The following ZFPM2 variants were observed in gnomAD, a reference collection of about 807,000 sequenced individuals.
The protein encoded by ZFPM2 is zinc finger protein ZFPM2.
ZFPM2 carries 20 observed loss-of-function variants against 98.6 expected under a neutral mutation model. The ratio of observed to expected loss-of-function variants is 0.20; its 90% confidence interval spans 0.14 to 0.29. The LOEUF (loss-of-function observed/expected upper bound fraction) is 0.29, where lower values mean the gene tolerates loss of function less well. Among genes scored for constraint, ZFPM2 ranks in the 10% least tolerant of loss-of-function variants. The probability of loss-of-function intolerance (pLI) is 1.00; values close to 1 mark genes in which losing one functional copy is unlikely to be tolerated. For synonymous variants in ZFPM2, 518 were observed against 502.7 expected (o/e 1.03, Z -0.41); for missense variants, 1,310 against 1,388.6 (o/e 0.94, Z 0.90).
chr8:105,497,528 G>A (rs191032008), intron 3 of ZFPM2, among the ~76,000 whole-genome samples: 2 of 152,148 alleles, frequency 1.3e-5, no homozygotes, highest in East Asian at 3.9e-4. Context: ...TTAGACATAT[G>A]GTGCTGAGAA....
intron 3 of ZFPM2, among the ~76,000 whole-genome samples, chr8:105,449,727 A>G (rs1400379708): frequency 6.6e-6 from 1 of 152,036 alleles, no homozygotes; most frequent in African/African-American, 2.4e-5. Flanking sequence ...CCAAGGCCTC[A>G]GTTTCCTTGT....
At chr8:105,353,804 A>C (rs751908293) in intron 1 of ZFPM2, among the ~76,000 whole-genome samples, 1 of 152,200 alleles carries the variant, frequency 6.6e-6, no homozygotes, top group African/African-American at 2.4e-5. Flanking sequence ...GTTTGCTTAA[A>C]ATTTTTTAAA....
chr8:105,403,854 T>C (rs199593491), intron 1 of ZFPM2, among the ~76,000 whole-genome samples: 1 of 152,098 alleles, frequency 6.6e-6, no homozygotes, highest in East Asian at 1.9e-4. Context: ...CACAGATAGA[T>C]ACTCAGTTCA....
intron 1 of ZFPM2, among the ~76,000 whole-genome samples, chr8:105,383,308 C>A (rs1263604624): frequency 6.6e-6 from 1 of 152,082 alleles, no homozygotes; most frequent in Non-Finnish European, 1.5e-5. Context: ...TACAGATTGA[C>A]TGGATGCTTG....
At chr8:105,410,780 G>A (rs1811560732) in intron 1 of ZFPM2, among the ~76,000 whole-genome samples, 3 of 151,774 alleles carry the variant, frequency 2.0e-5, no homozygotes, top group Admixed American at 1.3e-4. Context: ...ATTCATTTAT[G>A]CCACATAATA....
At chr8:105,754,063 A>G (rs1048372749) in intron 5 of ZFPM2, among the ~76,000 whole-genome samples, 3 of 152,158 alleles carry the variant, frequency 2.0e-5, no homozygotes, top group African/African-American at 7.2e-5. Context: ...TGTAGCTATC[A>G]TGGTAAAGTT....
rs374095734 is a variant in ZFPM2, at chr8:105,802,382, A to G, written c.2300A>G (p.Asn767Ser). Residue 767 changes from asparagine to serine, a missense_variant, in exon 8 of 8, where the codon AAT becomes AGT. Physicochemically the swap from Asn to Ser is conservative, Grantham distance 46. Coordinates refer to ENST00000407775, the MANE Select transcript of ZFPM2 (RefSeq NM_012082.4). ...QQRFLDVANLNNPCTSTQEPT... is the reference protein window; with the variant it reads ...QQRFLDVANLSNPCTSTQEPT... Reference sequence around the variant, plus strand: ...AGATTTCTTGACGTAGCCAACCTCAATAATCCTTGTACCTCCACTCAAGAA... The same window carrying G: ...AGATTTCTTGACGTAGCCAACCTCAGTAATCCTTGTACCTCCACTCAAGAA... 45 of 1,613,644 alleles carry G rather than the reference A, an allele frequency of 2.8e-5. No homozygotes were observed. Among genetic ancestry groups the G allele is most frequent in the Non-Finnish European group, 3.4e-5 (40 of 1,179,868 alleles).
At chr8:105,582,845 C>T (rs1162552633) in intron 4 of ZFPM2, among the ~76,000 whole-genome samples, 24 of 152,148 alleles carry the variant, frequency 1.6e-4, no homozygotes, top group African/African-American at 4.3e-4. Flanking sequence ...CCACCTGCCT[C>T]GGCCTCCCAA....
chr8:105,760,588 G>T (rs1057455730), intron 5 of ZFPM2, among the ~76,000 whole-genome samples: 1 of 152,044 alleles, frequency 6.6e-6, no homozygotes, highest in African/African-American at 2.4e-5. Flanking sequence ...ATAGTGTTTA[G>T]ACCAAGGCAA....
At chr8:105,554,873 A>G (rs1469804779) in intron 3 of ZFPM2, among the ~76,000 whole-genome samples, 1 of 152,140 alleles carries the variant, frequency 6.6e-6, no homozygotes, top group East Asian at 1.9e-4. Context: ...TACTATGTTC[A>G]TATCCTTTGC....
intron 3 of ZFPM2, among the ~76,000 whole-genome samples, chr8:105,456,202 C>T (rs1317076702): frequency 7.4e-6 from 1 of 135,338 alleles, no homozygotes; most frequent in Non-Finnish European, 1.5e-5. Flanking sequence ...CTATGCCTGG[C>T]TTAAATGGTG....
rs1812317852 is a variant in ZFPM2 at position 105,444,027 on chromosome 8, G to A, written c.200-253G>A. On this transcript the variant is annotated intron_variant, in intron 2 of 7. Coordinates refer to ENST00000407775, the MANE Select transcript of ZFPM2 (RefSeq NM_012082.4). ...CTTATATATATTAATAACTCCAAAG[G>A]AAAATTTACATGGAAATGTTTTTAT... 2.0e-5 allele frequency among the ~76,000 whole-genome samples: 3 copies of A among 152,140 alleles called. No individual in the cohort carries two copies. The East Asian group carries it at 5.8e-4, about 29-fold the overall frequency.
At chr8:105,614,785 A>T (rs1018257692) in intron 4 of ZFPM2, among the ~76,000 whole-genome samples, 4 of 152,218 alleles carry the variant, frequency 2.6e-5, no homozygotes, top group African/African-American at 9.6e-5. Flanking sequence ...AACCTACAAG[A>T]TAATTTGGTT....
chr8:105,591,124 AATATAG>A (rs530765314), intron 4 of ZFPM2, among the ~76,000 whole-genome samples: 1 of 152,226 alleles, frequency 6.6e-6, no homozygotes, highest in Non-Finnish European at 1.5e-5. Context: ...AAAAAAAGTA[AATATAG>A]ACTATGAATC....
chr8:105,690,528 A>G (rs972420083), intron 5 of ZFPM2, among the ~76,000 whole-genome samples: 7 of 152,130 alleles, frequency 4.6e-5, no homozygotes, highest in African/African-American at 1.7e-4. Context: ...GCAGGAGTCT[A>G]GACACCAGTT....
rs183827889 is a variant in ZFPM2, at chr8:105,716,474, T to C, written c.533-72244T>C. Among the ~76,000 whole-genome samples the C allele has an allele frequency of 2.6e-5, 4 of 152,152 alleles. No individual in the cohort carries two copies. The East Asian group carries it at 5.8e-4, about 22-fold the overall frequency. On this transcript the variant is annotated intron_variant, in intron 5 of 7. Transcript: ENST00000407775. ...TGTTTACATATATGTCTGTGTTATA[T>C]ACGTGTGTGTATATATGATTCACAC...
At chr8:105,411,394 G>A (rs1326466757) in intron 1 of ZFPM2, among the ~76,000 whole-genome samples, 4 of 151,750 alleles carry the variant, frequency 2.6e-5, no homozygotes, top group East Asian at 1.9e-4. Flanking sequence ...CTTTGGGCTG[G>A]GGCCATCTTA....
chr8:105,422,852 T>C (rs1388293911), intron 2 of ZFPM2, among the ~76,000 whole-genome samples: 1 of 152,206 alleles, frequency 6.6e-6, no homozygotes, highest in Non-Finnish European at 1.5e-5. Flanking sequence ...AATCATATGT[T>C]ATCATAACTT....
At chr8:105,798,025 T>A (rs143367811) in intron 6 of ZFPM2, 4 of 151,642 alleles carry the variant, frequency 2.6e-5, no homozygotes, top group African/African-American at 7.3e-5. Context: ...TTTACTGTGT[T>A]AAAAAAAAAT....
Sources: gnomAD v4.1 joint callset for allele counts (sites outside exome capture counted in the v4.1 genomes callset) on GRCh38, gnomAD v4.1.1 for gene constraint, MANE v1.5 for transcripts, NCBI Gene and HGNC (gene_info 2026-07-23, HGNC 2026-07-21) for gene names.